The following CDH19 variants were observed in gnomAD, a reference collection of about 807,000 sequenced individuals.
CDH19 encodes cadherin 19.
A neutral mutation model predicts 64.2 loss-of-function variants in CDH19; 67 were observed. The ratio of observed to expected loss-of-function variants is 1.04; its 90% CI spans 0.86 to 1.28. The LOEUF is 1.28. Among genes scored for constraint, CDH19 ranks in the 50% most tolerant of loss-of-function variants. The pLI, the probability that CDH19 is intolerant of heterozygous loss-of-function variation, is 0.00. For missense variants in CDH19, 1,030 were observed against 929.0 expected, an observed-to-expected ratio of 1.11 and a Z score of -1.41; for synonymous variants, 346 against 319.3, an observed-to-expected ratio of 1.08 and a Z score of -0.89.
At chr18:66,530,254 G>A (rs1016199564) in intron 8 of CDH19, among the ~76,000 whole-genome samples, 2 of 151,934 alleles carry the variant, frequency 1.3e-5, no homozygotes, top group African/African-American at 4.8e-5. Context: ...AGTAAAATAA[G>A]GGTATACGGA....
chr18:66,509,095 A>T lies in CDH19; in HGVS notation c.1728T>A (p.Ser576Arg). 2 of 1,612,968 alleles carry T rather than the reference A, an allele frequency of 1.2e-6. No homozygotes were observed. The highest frequency in any genetic ancestry group is 1.1e-5 in the South Asian group (1 of 91,068). The change falls in exon 11 of 12, where the codon AGT (serine) becomes AGA (arginine). Residue 576 changes from serine (S) to arginine (R), a missense_variant. Physicochemically the swap from Ser to Arg is moderately radical, Grantham distance 110. Transcript: ENST00000262150. ...GGTACTGGCAGGTCTGTGTGCTCCC[A>T]CTGTCACCACAGTCACAGACATGGA... ...LTIHVCDCGD[S>R]GSTQTCQYQE...
intron 1 of CDH19, among the ~76,000 whole-genome samples, chr18:66,595,009 A>AATG (rs1352439402): frequency 3.5e-5 from 5 of 143,316 alleles, no homozygotes; most frequent in African/African-American, 1.2e-4. Flanking sequence ...GTATAATAAT[A>AATG]ATAAATAAAA....
intron 1 of CDH19, among the ~76,000 whole-genome samples, chr18:66,584,480 A>G (rs1988517478): frequency 6.6e-6 from 1 of 152,120 alleles, no homozygotes. Context: ...AAACAGGACT[A>G]CCATTCAACC....
intron 1 of CDH19, among the ~76,000 whole-genome samples, chr18:66,587,319 C>G (rs1351389529): frequency 6.6e-6 from 1 of 152,056 alleles, no homozygotes; most frequent in African/African-American, 2.4e-5. Flanking sequence ...CTAACTGGTG[C>G]TGGTTACTCC....
At chr18:66,577,896 T>C (rs1266733125) in intron 1 of CDH19, among the ~76,000 whole-genome samples, 2 of 151,944 alleles carry the variant, frequency 1.3e-5, no homozygotes, top group Admixed American at 6.6e-5. Flanking sequence ...GTGTATTCTA[T>C]TCCTTGCATG....
chr18:66,508,459 T>C (rs1985309470), intron 11 of CDH19, among the ~76,000 whole-genome samples: 1 of 151,708 alleles, frequency 6.6e-6, no homozygotes, highest in Admixed American at 6.6e-5. Flanking sequence ...TGTATAACAA[T>C]GTGTTGTGGT....
At chr18:66,519,452 T>C (rs538412882) in intron 9 of CDH19, among the ~76,000 whole-genome samples, 1 of 152,316 alleles carries the variant, frequency 6.6e-6, no homozygotes, top group African/African-American at 2.4e-5. Flanking sequence ...TATTATCATC[T>C]AATTGGGGTA....
intron 9 of CDH19, among the ~76,000 whole-genome samples, chr18:66,524,569 T>TATATATATATATATATATATATATAA (rs1276593665): frequency 1.0e-4 from 14 of 135,154 alleles, no homozygotes; most frequent in East Asian, 6.7e-4. Flanking sequence ...TATATATATA[T>TATATATATATATATATATATATATAA]AAACATCATC....
At chr18:66,541,675 C>T (rs904111559) in intron 7 of CDH19, among the ~76,000 whole-genome samples, 1 of 151,866 alleles carries the variant, frequency 6.6e-6, no homozygotes, top group African/African-American at 2.4e-5. Flanking sequence ...GTATGAAAAG[C>T]AATATTATTT....
At position 66,572,086 on chromosome 18, in the gene CDH19, C is replaced by T. The variant is rs748943804; in HGVS notation, c.119G>A (p.Arg40Lys). The change falls in exon 2 of 12, where the codon AGA becomes AAA. Residue 40 changes from arginine to lysine, a missense_variant. Physicochemically the swap from Arg to Lys is conservative, Grantham distance 26. Transcript: ENST00000262150. ...KVKQPVRSHL[R>K]VKRGWVWNQF... ...GTTCCACACCCAGCCACGCTTCACT[C>T]TCAAATGAGATCGCACTGGCTGCTT... is the stretch of plus-strand genomic sequence containing the variant. The T allele has an allele frequency of 6.2e-7, 1 of 1,611,694 alleles. No homozygotes were observed. Among genetic ancestry groups the T allele is most frequent in the Non-Finnish European group, 8.5e-7 (1 of 1,178,486 alleles).
chr18:66,583,943 C>T (rs1048944039), intron 1 of CDH19, among the ~76,000 whole-genome samples: 3 of 151,992 alleles, frequency 2.0e-5, no homozygotes, highest in Non-Finnish European at 2.9e-5. Context: ...TAGCAACAGG[C>T]AAAGATTTTA....
rs558624567 is a variant in CDH19 at position 66,529,794 on chromosome 18, A to G, written c.1458+51T>C. The G allele has an allele frequency of 2.6e-6, 3 of 1,169,176 alleles. No homozygotes were observed. The South Asian group carries it at 6.0e-5, about 23-fold the overall frequency. 72.4% of individuals were successfully genotyped at this position (1,169,176 alleles called of 1,614,324 possible). A position where few individuals can be genotyped will look rare whatever the true frequency, so the allele number is the denominator to read the frequency against. On this transcript the variant is annotated intron_variant, in intron 9 of 11. Transcript: ENST00000262150. ...ATAATATATGAAGAAATTTCATATT[A>G]TGAAACAATGATATATTGTTTAGAC... is the stretch of plus-strand genomic sequence containing the variant.
At chr18:66,510,033 T>A (rs1255676562) in intron 10 of CDH19, among the ~76,000 whole-genome samples, 1 of 151,850 alleles carries the variant, frequency 6.6e-6, no homozygotes, top group African/African-American at 2.4e-5. Context: ...TCCCAAAATA[T>A]TATGAATAAC....
At chr18:66,580,916 T>C (rs1047952541) in intron 1 of CDH19, among the ~76,000 whole-genome samples, 26 of 152,054 alleles carry the variant, frequency 1.7e-4, no homozygotes, top group African/African-American at 5.1e-4. Context: ...ATGCTCCACT[T>C]CTGATTGAAG....
At chr18:66,520,163 T>A (rs1243538375) in intron 9 of CDH19, among the ~76,000 whole-genome samples, 1 of 152,030 alleles carries the variant, frequency 6.6e-6, no homozygotes, top group Admixed American at 6.6e-5. Flanking sequence ...CCAGCCTGGG[T>A]GACACAGCCA....
At chr18:66,557,006 G>A (rs926008181) in intron 3 of CDH19, among the ~76,000 whole-genome samples, 1 of 151,828 alleles carries the variant, frequency 6.6e-6, no homozygotes, top group Non-Finnish European at 1.5e-5. Flanking sequence ...ACAATATGGA[G>A]GTTCCTAAAG....
chr18:66,599,613 T>C (rs1350211525), intron 1 of CDH19, among the ~76,000 whole-genome samples: 2 of 152,110 alleles, frequency 1.3e-5, no homozygotes, highest in African/African-American at 4.8e-5. Flanking sequence ...TAGCCTGATT[T>C]AATCATTCCA....
chr18:66,565,610 C>T (rs1028426322), intron 3 of CDH19, among the ~76,000 whole-genome samples: 2 of 151,522 alleles, frequency 1.3e-5, no homozygotes, highest in South Asian at 2.1e-4. Context: ...TAATAAAACC[C>T]GCAGTATTCA....
intron 9 of CDH19, among the ~76,000 whole-genome samples, chr18:66,512,843 T>A (rs1230654935): frequency 6.6e-6 from 1 of 151,484 alleles, no homozygotes; most frequent in Non-Finnish European, 1.5e-5. Flanking sequence ...ATCCTGGCTT[T>A]GCCATTTAGA....
Sources: allele counts gnomAD v4.1 joint callset (sites outside exome capture counted in the v4.1 genomes callset), GRCh38; gene constraint gnomAD v4.1.1; transcripts MANE v1.5; gene names NCBI Gene and HGNC (gene_info 2026-07-23, HGNC 2026-07-21).